The following PRKG2 variants were observed in gnomAD, a reference collection of about 807,000 sequenced individuals.
The protein encoded by PRKG2 is cGMP-dependent protein kinase 2.
PRKG2 carries 33 observed loss-of-function variants against 97.2 expected under a neutral mutation model. That is an observed-to-expected ratio of 0.34 (90% CI 0.26 to 0.45). The LOEUF (loss-of-function observed/expected upper bound fraction) is 0.45. Among genes scored for constraint, PRKG2 ranks in the 20% least tolerant of loss-of-function variants. The pLI is 1.00. For synonymous variants in PRKG2, 330 were observed against 321.8 expected (o/e 1.03, Z -0.27); for missense variants, 638 against 900.0 (o/e 0.71, Z 3.73).
At chr4:81,121,186 T>G (rs1745032740) in intron 14 of PRKG2, among the ~76,000 whole-genome samples, 1 of 152,184 alleles carries the variant, frequency 6.6e-6, no homozygotes, top group Non-Finnish European at 1.5e-5. Flanking sequence ...ATTGTTGGAT[T>G]CTGTTTGCCA....
chr4:81,204,546 A>G, intron 2 of PRKG2, 41 bp downstream of exon 2: 1 of 1,539,238 alleles, frequency 6.5e-7, no homozygotes, highest in Non-Finnish European at 8.9e-7. Flanking sequence ...ATTTCACAAT[A>G]TTAAGCCCAT....
intron 13 of PRKG2, among the ~76,000 whole-genome samples, chr4:81,136,095 G>A (rs1033673748): frequency 1.6e-4 from 24 of 152,056 alleles, no homozygotes; most frequent in African/African-American, 5.8e-4. Flanking sequence ...CAACAAATTT[G>A]CCTATTGAAG....
At chr4:81,136,851 T>C (rs1746755940) in intron 13 of PRKG2, among the ~76,000 whole-genome samples, 1 of 152,200 alleles carries the variant, frequency 6.6e-6, no homozygotes, top group Non-Finnish European at 1.5e-5. Flanking sequence ...AGTTTCTACT[T>C]TTTACTCTTT....
chr4:81,117,992 T>A (rs575135315), intron 14 of PRKG2, among the ~76,000 whole-genome samples: 1 of 152,318 alleles, frequency 6.6e-6, no homozygotes, highest in South Asian at 2.1e-4. Flanking sequence ...TCCTGCCTAT[T>A]CATTTCTACT....
chr4:81,103,124 C>T (rs746876064), intron 17 of PRKG2, among the ~76,000 whole-genome samples: 8 of 152,066 alleles, frequency 5.3e-5, no homozygotes, highest in African/African-American at 1.7e-4. Flanking sequence ...AGGTTTGAAC[C>T]GCCACATTTG....
At chr4:81,117,519 G>C (rs1744666366) in intron 14 of PRKG2, among the ~76,000 whole-genome samples, 1 of 151,920 alleles carries the variant, frequency 6.6e-6, no homozygotes, top group African/African-American at 2.4e-5. Context: ...CATTCATTAG[G>C]TTAATAAAAT....
chr4:81,130,748 C>A (rs1337222494), intron 14 of PRKG2, among the ~76,000 whole-genome samples: 4 of 152,118 alleles, frequency 2.6e-5, no homozygotes, highest in South Asian at 4.1e-4. Flanking sequence ...GCTGCAGCAG[C>A]CTCCACCAAC....
chr4:81,104,738 G>A (rs1246772258), intron 16 of PRKG2, among the ~76,000 whole-genome samples: 1 of 152,020 alleles, frequency 6.6e-6, no homozygotes, highest in Non-Finnish European at 1.5e-5. Context: ...CAACTGTGCT[G>A]AGAAAACCGG....
chr4:81,193,411 G>T (rs919557002), intron 2 of PRKG2: 6 of 152,088 alleles, frequency 3.9e-5, no homozygotes, highest in Non-Finnish European at 2.9e-5. Flanking sequence ...ATTTCTATGA[G>T]AATTAAATTA....
chr4:81,093,406 A>AT (rs1560528537), intron 17 of PRKG2, among the ~76,000 whole-genome samples: 13 of 120,202 alleles, frequency 1.1e-4, no homozygotes, highest in African/African-American at 4.6e-4. Flanking sequence ...CACACACACA[A>AT]GCTTCTTATC....
At chr4:81,092,823 T>G (rs1276190546) in intron 17 of PRKG2, among the ~76,000 whole-genome samples, 3 of 152,180 alleles carry the variant, frequency 2.0e-5, no homozygotes, top group Admixed American at 1.3e-4. Flanking sequence ...TTGCCTTATA[T>G]CCTATCTGAG....
intron 8 of PRKG2, among the ~76,000 whole-genome samples, chr4:81,149,749 T>C (rs1171999412): frequency 6.6e-6 from 1 of 152,192 alleles, no homozygotes; most frequent in Non-Finnish European, 1.5e-5. Flanking sequence ...AGGCACCCAG[T>C]GCTCTGAGAT....
chr4:81,131,458 A>G (rs1746171256), intron 14 of PRKG2, among the ~76,000 whole-genome samples: 1 of 152,214 alleles, frequency 6.6e-6, no homozygotes, highest in Non-Finnish European at 1.5e-5. Context: ...TAAGATGCTG[A>G]CCATTTTAAA....
rs143194249 is a variant in PRKG2 at position 81,089,704 on chromosome 4, T to C, written c.*4A>G. The C allele has an allele frequency of 2.4e-4, 386 of 1,591,034 alleles. 6 individuals carry two copies. The East Asian group carries it at 8.5e-3, about 35-fold the overall frequency. ...AGTACAGGCAGTAATCAACTTTTCT[T>C]CTGTCAGAAGTCTTTATCCCAGCCT... On this transcript the variant is annotated 3_prime_UTR_variant, in exon 19 of 19. Transcript: ENST00000264399.
Position 81,141,302 on chromosome 4 carries a change from C to T in PRKG2, c.1408-633G>A, listed in dbSNP as rs144963298. On this transcript the variant is annotated intron_variant, in intron 11 of 18. Transcript: ENST00000264399. Reference sequence around the variant, plus strand: ...CTGGGATTATAAGCATGAGCCACCGCACCCAGCCTAAGCTCTATATCTGTA... The same window carrying T: ...CTGGGATTATAAGCATGAGCCACCGTACCCAGCCTAAGCTCTATATCTGTA... Among the ~76,000 whole-genome samples the T allele has an allele frequency of 2.7e-3, 411 of 152,286 alleles. 3 individuals are homozygous for T. The highest frequency in any genetic ancestry group is 9.2e-3 in the African/African-American group (382 of 41,544).
At chr4:81,173,112 T>C (rs1165143820) in intron 3 of PRKG2, among the ~76,000 whole-genome samples, 1 of 152,178 alleles carries the variant, frequency 6.6e-6, no homozygotes, top group African/African-American at 2.4e-5. Context: ...AAGAATTATA[T>C]GGAATATCAA....
At position 81,174,794 on chromosome 4, in the gene PRKG2, T is replaced by C. The variant is rs983511044; in HGVS notation, c.627A>G (p.Ala209=). Residue 209 remains alanine, a splice_region_variant and synonymous_variant, in exon 3 of 19, where the codon GCA becomes GCG. Transcript: ENST00000264399. ...TCTGGAAAAATCTGTGAAACCCACC[T>C]GCCAGCACAAAGATATGGTTTCCTG... The part of the protein sequence containing the change: ...GEPGNHIFVL[A]EGRLEVFQGE... 3.1e-6 allele frequency: 5 copies of C among 1,606,020 alleles called. No homozygotes were observed. The highest frequency in any genetic ancestry group is 3.4e-6 in the Non-Finnish European group (4 of 1,176,688).
intron 2 of PRKG2, among the ~76,000 whole-genome samples, chr4:81,200,055 C>T (rs932751701): frequency 1.3e-5 from 2 of 152,212 alleles, no homozygotes; most frequent in African/African-American, 4.8e-5. Context: ...TGCCTGTGTT[C>T]CACCAGACAT....
intron 17 of PRKG2, among the ~76,000 whole-genome samples, chr4:81,098,853 C>T (rs1339584612): frequency 2.6e-5 from 4 of 152,040 alleles, no homozygotes; most frequent in Non-Finnish European, 5.9e-5. Context: ...GTAAGAATTA[C>T]CAAAATGTAA....
Sources: allele counts gnomAD v4.1 joint callset (sites outside exome capture counted in the v4.1 genomes callset), GRCh38; gene constraint gnomAD v4.1.1; transcripts MANE v1.5; gene names NCBI Gene and HGNC (gene_info 2026-07-23, HGNC 2026-07-21).